The following MYO18B variants were observed in gnomAD, a reference collection of about 807,000 sequenced individuals.
The protein encoded by MYO18B is myosin XVIIIB.
MYO18B carries 204 observed loss-of-function variants against 273.0 expected under a neutral mutation model. The ratio of observed to expected loss-of-function variants is 0.75; its 90% confidence interval spans 0.67 to 0.84. MYO18B has a LOEUF of 0.84. Ranked by LOEUF, MYO18B falls within the 40% of genes least tolerant of loss-of-function variation. MYO18B has a pLI of 0.00. For synonymous variants in MYO18B, 1,330 were observed against 1,305.7 expected (o/e 1.02, Z -0.40); for missense variants, 3,212 against 3,287.6 (o/e 0.98, Z 0.56).
At chr22:25,826,293 A>T (rs1056828689) in intron 13 of MYO18B, 116 bp from the exon 14 acceptor site, 2 of 691,418 alleles carry the variant, frequency 2.9e-6, no homozygotes, top group South Asian at 2.0e-5. Flanking sequence ...CAGTGGAGGG[A>T]TGTGGCAAGA....
In MYO18B at chr22:25,902,619, C is replaced by T; in HGVS notation, c.4830C>T (p.Asp1610=). The T allele has an allele frequency of 1.9e-6, 3 of 1,606,912 alleles. No individual in the cohort carries two copies. The highest frequency in any genetic ancestry group is 2.5e-6 in the Non-Finnish European group (3 of 1,176,794). ...HELEKKQKKF[D]LQLAQALGES... is the part of the protein sequence containing the mutation. ...CGTGCTCTGCTTTGCACAGGTTTGACCTGCAGCTGGCCCAGGCCCTAGGTG... is the reference window on the plus strand; with the variant it reads ...CGTGCTCTGCTTTGCACAGGTTTGATCTGCAGCTGGCCCAGGCCCTAGGTG... The change falls in exon 30 of 44, where the codon GAC becomes GAT. Residue 1610 remains aspartate, a synonymous_variant. Transcript: ENST00000335473.
chr22:25,866,822 A>G (rs913435448), intron 21 of MYO18B, among the ~76,000 whole-genome samples: 2 of 150,002 alleles, frequency 1.3e-5, no homozygotes, highest in African/African-American at 4.9e-5. Flanking sequence ...GAATAGTACT[A>G]TAGTGCGTAC....
chr22:25,958,298 C>T lies in MYO18B; in HGVS notation c.6156+2934C>T, dbSNP rs138103232. Among the ~76,000 whole-genome samples, 333 of 152,260 alleles carry T rather than the reference C, an allele frequency of 2.2e-3. 2 individuals carry two copies. The highest frequency in any genetic ancestry group is 7.7e-3 in the African/African-American group (318 of 41,546). On this transcript the variant is annotated intron_variant, in intron 39 of 43. Transcript: ENST00000335473. ...TGGGAGGCAACCCTCCAACCCACTA[C>T]AGAAGAGGAAGGCACATTTCTGCTT...
At chr22:25,757,588 A>C (rs1188226561) in intron 1 of MYO18B, among the ~76,000 whole-genome samples, 1 of 146,250 alleles carries the variant, frequency 6.8e-6, no homozygotes, top group African/African-American at 2.6e-5. Context: ...CTGCATATCA[A>C]AAAAAAAAAA....
chr22:25,830,742 AG>A (rs2089676347), intron 15 of MYO18B, among the ~76,000 whole-genome samples: 1 of 152,140 alleles, frequency 6.6e-6, no homozygotes, highest in South Asian at 2.1e-4. Context: ...AACAGGTCTA[AG>A]GCTGAGCATG....
At chr22:25,876,021 TG>T (rs2146195183) in intron 23 of MYO18B, among the ~76,000 whole-genome samples, 167 bp from the exon 24 acceptor site, 1 of 142,454 alleles carries the variant, frequency 7.0e-6, no homozygotes, top group Admixed American at 6.8e-5. Flanking sequence ...TGTGTGTGTG[TG>T]TGTGTGTGTG....
At chr22:25,830,009 CT>C (rs2089650131) in intron 15 of MYO18B, among the ~76,000 whole-genome samples, 1 of 152,166 alleles carries the variant, frequency 6.6e-6, no homozygotes, top group African/African-American at 2.4e-5. Context: ...CTCCCACCTT[CT>C]TCCCTGAAGG....
At chr22:26,049,187 C>T in the MYO18B span, among the ~76,000 whole-genome samples, 158 of 152,308 alleles carry the variant, frequency 1.0e-3, no homozygotes, top group Non-Finnish European at 1.6e-3. Context: ...TAAAGATCTC[C>T]GAAGTGGCAA....
At chr22:25,929,375 A>T (rs1390469584) in intron 34 of MYO18B, among the ~76,000 whole-genome samples, 1 of 152,120 alleles carries the variant, frequency 6.6e-6, no homozygotes, top group Non-Finnish European at 1.5e-5. Context: ...ATTCTCATGG[A>T]ATGTTTCCAC....
chr22:25,753,408 T>G (rs921205388), intron 1 of MYO18B, among the ~76,000 whole-genome samples: 1 of 152,062 alleles, frequency 6.6e-6, no homozygotes, highest in South Asian at 2.1e-4. Flanking sequence ...ACCAGTCAGC[T>G]CTTTGTAAAA....
chr22:25,780,014 C>G, intron 8 of MYO18B, 42 bp from the exon 9 acceptor site: 2 of 1,527,206 alleles, frequency 1.3e-6, no homozygotes, highest in Non-Finnish European at 1.8e-6. Flanking sequence ...GTGGCAGCAC[C>G]TGGGCCATCA....
chr22:26,031,130 CCAAGGCGAAG>C, downstream of MYO18B: 1 of 392,402 alleles, frequency 2.5e-6, no homozygotes, highest in Non-Finnish European at 4.5e-6. Flanking sequence ...TCCCTTTTTA[CCAAGGCGAAG>C]CTAGCATATG....
At chr22:25,771,510 G>C (rs766556679) in intron 6 of MYO18B, among the ~76,000 whole-genome samples, 1 of 152,144 alleles carries the variant, frequency 6.6e-6, no homozygotes, top group Non-Finnish European at 1.5e-5. Flanking sequence ...TTGAGGACAA[G>C]TCCCAGTGTA....
At chr22:25,950,020 C>T (rs1304188067) in intron 36 of MYO18B, among the ~76,000 whole-genome samples, 1 of 152,160 alleles carries the variant, frequency 6.6e-6, no homozygotes, top group African/African-American at 2.4e-5. Context: ...GGGTCCAGGT[C>T]TAGAAGCTCA....
At chr22:25,817,798 C>T (rs979535989) in intron 12 of MYO18B, among the ~76,000 whole-genome samples, 5 of 152,204 alleles carry the variant, frequency 3.3e-5, no homozygotes, top group African/African-American at 1.2e-4. Context: ...CAAGCAATGA[C>T]CAAATTGATA....
At chr22:25,766,099 C>T (rs910203895) in intron 3 of MYO18B, among the ~76,000 whole-genome samples, 1 of 151,890 alleles carries the variant, frequency 6.6e-6, no homozygotes, top group East Asian at 1.9e-4. Context: ...TTTAAAAGTG[C>T]CCCAGGAGAT....
chr22:26,034,820 A>C (rs1264261422), downstream of MYO18B, among the ~76,000 whole-genome samples: 1 of 152,220 alleles, frequency 6.6e-6, no homozygotes, highest in Admixed American at 6.5e-5. Context: ...TCAGAGAAGA[A>C]AGTGAGTTTT....
chr22:25,780,236 G>T (rs1168525145), intron 9 of MYO18B, 38 bp downstream of exon 9: 4 of 1,576,070 alleles, frequency 2.5e-6, no homozygotes, highest in Non-Finnish European at 3.4e-6. Flanking sequence ...GGGCCCTTGG[G>T]GCTGCTGTGT....
chr22:25,908,547 C>G (rs2092094662), intron 32 of MYO18B, 115 bp downstream of exon 32: 2 of 800,378 alleles, frequency 2.5e-6, no homozygotes, highest in Non-Finnish European at 2.1e-6. Flanking sequence ...CAAGCTCTTT[C>G]TGCAATCATC....
Sources: gnomAD v4.1 joint callset for allele counts (sites outside exome capture counted in the v4.1 genomes callset) on GRCh38, gnomAD v4.1.1 for gene constraint, MANE v1.5 for transcripts, NCBI Gene and HGNC (gene_info 2026-07-23, HGNC 2026-07-21) for gene names.